Variants in ITFG2 observed in about 807,000 individuals in gnomAD.
ITFG2 encodes the protein integrin alpha FG-GAP repeat containing 2.
ITFG2 carries 36 observed loss-of-function variants against 54.4 expected under a neutral mutation model. The observed-to-expected ratio is 0.66, with a 90% CI of 0.51 to 0.87. The LOEUF is 0.87. Among genes scored for constraint, ITFG2 ranks in the 40% least tolerant of loss-of-function variants. The pLI, the probability that ITFG2 is intolerant of heterozygous loss-of-function variation, is 0.00. For missense variants in ITFG2, 524 were observed against 576.7 expected, an observed-to-expected ratio of 0.91 and a Z score of 0.94; for synonymous variants, 211 against 225.4, an observed-to-expected ratio of 0.94 and a Z score of 0.57.
At chr12:2,846,355 C>T (rs997460675) in intron 2 of ITFG2, among the ~76,000 whole-genome samples, 3 of 152,174 alleles carry the variant, frequency 2.0e-5, no homozygotes, top group Admixed American at 2.0e-4. Flanking sequence ...GGCTTTCTTC[C>T]TCCCACTCCC....
chr12:2,823,654 C>T (rs2097953538), intron 10 of ITFG2, 116 bp from the exon 11 acceptor site: 2 of 1,272,192 alleles, frequency 1.6e-6, no homozygotes, highest in Non-Finnish European at 2.1e-6. Flanking sequence ...TAATTTTTTT[C>T]CTGACATCAG....
At chr12:2,837,730 G>A (rs1253002911) in intron 1 of ITFG2, among the ~76,000 whole-genome samples, 3 of 152,228 alleles carry the variant, frequency 2.0e-5, no homozygotes, top group Admixed American at 6.5e-5. Flanking sequence ...TCAGGAGGCT[G>A]AGGTGGGAGG....
intron 2 of ITFG2, among the ~76,000 whole-genome samples, chr12:2,851,540 G>A (rs932476771): frequency 6.6e-6 from 1 of 151,348 alleles, no homozygotes; most frequent in East Asian, 2.0e-4. Context: ...ACAGGGTTTC[G>A]CCATGGTGGC....
At chr12:2,828,340 G>A (rs373849249), downstream of ITFG2, 46 of 1,613,962 alleles carry the variant, frequency 2.9e-5, no homozygotes, top group East Asian at 1.6e-4. Context: ...ACCCCAGGCG[G>A]CTGAGACATC....
At chr12:2,858,511 G>A (rs764559064) in intron 3 of ITFG2, 12 of 767,688 alleles carry the variant, frequency 1.6e-5, no homozygotes, top group Middle Eastern at 3.8e-4. Context: ...TGCATAATCA[G>A]GCAGCAGGGA....
At position 2,855,156 on chromosome 12, in the gene ITFG2, C is replaced by T. The variant is rs549403074; in HGVS notation, n.301-2856C>T. 1,888 of 1,525,552 alleles carry T rather than the reference C, an allele frequency of 1.2e-3. 5 individuals carry two copies. The highest frequency in any genetic ancestry group is 1.4e-3 in the Non-Finnish European group (1,564 of 1,140,390). 94.5% of individuals were successfully genotyped at this position (1,525,552 alleles called of 1,614,324 possible). A position where few individuals can be genotyped will look rare whatever the true frequency, so the allele number is the denominator to read the frequency against. On this transcript the variant is annotated intron_variant and non_coding_transcript_variant, in intron 2 of 3. Transcript: ENST00000537710. ...GGGCATTGGAGTCGGTCAGCCAGCG[C>T]CAGACATTGCTATCGTAGGGCCTGT...
At chr12:2,854,576 A>G (rs1030638269) in intron 2 of ITFG2, among the ~76,000 whole-genome samples, 1 of 152,110 alleles carries the variant, frequency 6.6e-6, no homozygotes, top group Admixed American at 6.6e-5. Context: ...GGCCCTTTGC[A>G]TGTGTAGCCT....
upstream of ITFG2, chr12:2,834,668 T>A (rs748916239): frequency 2.5e-6 from 4 of 1,609,734 alleles, no homozygotes; most frequent in Non-Finnish European, 3.4e-6. Flanking sequence ...CCGAGCCTCT[T>A]GAGGCTGTCC....
At chr12:2,822,346 G>T (rs1282436890) in intron 9 of ITFG2, among the ~76,000 whole-genome samples, 1 of 152,158 alleles carries the variant, frequency 6.6e-6, no homozygotes, top group African/African-American at 2.4e-5. Context: ...AGAAGTAGTA[G>T]CCCCAAAGAA....
At chr12:2,816,361 G>A (rs1383183847) in intron 1 of ITFG2, among the ~76,000 whole-genome samples, 5 of 130,008 alleles carry the variant, frequency 3.8e-5, no homozygotes, top group East Asian at 2.3e-4. Flanking sequence ...ACAGAGTCTC[G>A]CTCTGTCGCC....
chr12:2,818,394 T>C, intron 4 of ITFG2, 117 bp downstream of exon 4: 1 of 1,528,642 alleles, frequency 6.5e-7, no homozygotes, highest in Non-Finnish European at 8.8e-7. Context: ...ATTTGTTATG[T>C]GCTGAGCTCC....
chr12:2,819,823 C>G lies in ITFG2; in HGVS notation c.407-263C>G, dbSNP rs114769357. ...GGGGGCTTGTAGGTGGTGGGAGATA[C>G]GTGGGATGAATTGGGACACTTTGAG... On this transcript the variant is annotated intron_variant, in intron 4 of 11. Transcript: ENST00000228799. 1,202 of 305,366 alleles carry G rather than the reference C, an allele frequency of 3.9e-3. 13 individuals carry two copies. The highest frequency in any genetic ancestry group is 0.024 in the African/African-American group (1,122 of 46,118). The allele number at this position is 305,366 out of a possible 1,614,324, so 18.9% of individuals were successfully genotyped here. A position where few individuals can be genotyped will look rare whatever the true frequency, so the allele number is the denominator to read the frequency against.
At chr12:2,821,155 T>C in intron 6 of ITFG2, 107 bp from the exon 7 acceptor site, 1 of 930,278 alleles carries the variant, frequency 1.1e-6, no homozygotes, top group South Asian at 1.6e-5. Context: ...GGTAGGTTTC[T>C]AAGCTGATTC....
At chr12:2,849,068 C>T in intron 2 of ITFG2, 2 of 667,032 alleles carry the variant, frequency 3.0e-6, no homozygotes, top group South Asian at 4.1e-5. Flanking sequence ...CTCCAATAGC[C>T]TGGGGTACAG....
Position 2,812,679 on chromosome 12 carries a change from C to T in ITFG2, c.-82C>T, listed in dbSNP as rs2097911622. On this transcript the variant is annotated 5_prime_UTR_variant, in exon 1 of 12. Transcript: ENST00000228799. ...TGACGTAACTTGCTGCCTTAGGTGG[C>T]CTTCCGCTCTGGCGGCTGTCGCGAC... 3.4e-6 allele frequency: 4 copies of T among 1,169,084 alleles called. No individual in the cohort carries two copies. The Admixed American group carries it at 6.9e-5, about 20-fold the overall frequency. The allele number at this position is 1,169,084 out of a possible 1,614,324, so 72.4% of individuals were successfully genotyped here.
rs140935218 is a variant in ITFG2 at position 2,841,603 on chromosome 12, A to G, written n.300+608A>G. On this transcript the variant is annotated intron_variant and non_coding_transcript_variant, in intron 2 of 3. Coordinates refer to the ITFG2 transcript ENST00000537710. The stretch of plus-strand genomic sequence containing the variant: ...TTATTGAGCCCTTGAGATGTGGCCA[A>G]TCTGAACTGAGATATGCTGCAAGTT... Among the ~76,000 whole-genome samples, 261 of 152,328 alleles carry G rather than the reference A, an allele frequency of 1.7e-3. 1 individual carries two copies. Among genetic ancestry groups the G allele is most frequent in the African/African-American group, 5.8e-3 (241 of 41,580 alleles).
chr12:2,834,804 ATC>A (rs1364409681), upstream of ITFG2: 1 of 1,612,836 alleles, frequency 6.2e-7, no homozygotes. Flanking sequence ...CTTCTCCCTC[ATC>A]TCTCCTGGCC....
chr12:2,815,548 C>T (rs2097919426), intron 1 of ITFG2, among the ~76,000 whole-genome samples: 1 of 152,198 alleles, frequency 6.6e-6, no homozygotes, highest in Non-Finnish European at 1.5e-5. Context: ...AAAGGCCTTG[C>T]TAGAGGAGGG....
intron 2 of ITFG2, chr12:2,857,253 C>A: frequency 3.5e-6 from 2 of 572,392 alleles, no homozygotes; most frequent in African/African-American, 1.9e-5. Flanking sequence ...AAAACTGTAA[C>A]AGGAGCTGCT....
Sources: allele counts gnomAD v4.1 joint callset (sites outside exome capture counted in the v4.1 genomes callset), GRCh38; gene constraint gnomAD v4.1.1; transcripts MANE v1.5; gene names NCBI Gene and HGNC (gene_info 2026-07-23, HGNC 2026-07-21).